The following VPS26C variants were observed in gnomAD, a reference collection of about 807,000 sequenced individuals.
VPS26C encodes the protein vacuolar protein sorting-associated protein 26C.
A neutral mutation model predicts 30.6 loss-of-function variants in VPS26C; 19 were observed. The observed-to-expected ratio is 0.62, with a 90% confidence interval of 0.43 to 0.91. VPS26C has a LOEUF of 0.91. Ranked by LOEUF, VPS26C falls within the 40% of genes least tolerant of loss-of-function variation. The pLI, the probability that VPS26C is intolerant of heterozygous loss-of-function variation, is 0.00. For synonymous variants in VPS26C, 132 were observed against 151.5 expected (o/e 0.87, Z 0.95); for missense variants, 318 against 385.1 (o/e 0.83, Z 1.46).
At chr21:37,231,771 G>C (rs1330018335) in intron 5 of VPS26C, 1 of 153,222 alleles carries the variant, frequency 6.5e-6, no homozygotes, top group Non-Finnish European at 1.5e-5. Flanking sequence ...CGTGCAGCTC[G>C]AGGGACCAGC....
intron 1 of VPS26C, among the ~76,000 whole-genome samples, chr21:37,254,366 C>T (rs1305654313): frequency 6.6e-6 from 1 of 152,138 alleles, no homozygotes; most frequent in Non-Finnish European, 1.5e-5. Context: ...TGGGGTGGCT[C>T]GCACTGTAAT....
At chr21:37,230,548 C>G (rs2085950900) in intron 5 of VPS26C, 1 of 152,222 alleles carries the variant, frequency 6.6e-6, no homozygotes, top group Admixed American at 6.5e-5. Context: ...ATTTTATTTG[C>G]TTTATGTGTT....
Position 37,228,235 on chromosome 21 carries a change from C to T in VPS26C, c.646G>A (p.Val216Met), listed in dbSNP as rs767397154. ...IRSVELQLVR[V>M]ETCGCAEGYA... ...GCACGGCCCTCACCGCACGTCTCCA[C>T]GCGCACCAGCTGCAGCTCCACGCTT... Residue 216 changes from valine (V) to methionine (M), a missense_variant, in exon 6 of 8, where the codon GTG (valine) becomes ATG (methionine). Coordinates refer to ENST00000309117, the MANE Select transcript of VPS26C (RefSeq NM_006052.2). 10 of 1,612,568 alleles carry T rather than the reference C, an allele frequency of 6.2e-6. No homozygotes were observed. Among genetic ancestry groups the T allele is most frequent in the Admixed American group, 3.3e-5 (2 of 60,006 alleles).
chr21:37,257,037 C>A lies in VPS26C; in HGVS notation c.57+10201G>T, dbSNP rs931841677. Among the ~76,000 whole-genome samples, 1 of 152,132 alleles carries A rather than the reference C, an allele frequency of 6.6e-6. No homozygotes were observed. The highest frequency in any genetic ancestry group is 2.1e-4 in the South Asian group (1 of 4,806). On this transcript the variant is annotated intron_variant, in intron 1 of 7. Transcript: ENST00000309117. This position sits in a 1 kb window ranked among gnomAD's most constrained non-coding sequence, Gnocchi z 4.2. ...ATCCCAGCTACTCGGGAGGCTGAGG[C>A]AGGAGAATCGCTTGAGCCTGGGAGG...
At chr21:37,260,640 GA>G (rs756610990) in intron 1 of VPS26C, among the ~76,000 whole-genome samples, 3 of 152,180 alleles carry the variant, frequency 2.0e-5, no homozygotes, top group Admixed American at 1.3e-4. Context: ...TGAGCCACAG[GA>G]ACTGGGATGA....
chr21:37,252,242 C>A (rs1237326162), intron 1 of VPS26C, among the ~76,000 whole-genome samples: 1 of 152,176 alleles, frequency 6.6e-6, no homozygotes, highest in Non-Finnish European at 1.5e-5. Flanking sequence ...AACACTCTAC[C>A]CTTTCTTAGT....
At chr21:37,229,988 T>A (rs1193547201) in intron 5 of VPS26C, among the ~76,000 whole-genome samples, 2 of 152,216 alleles carry the variant, frequency 1.3e-5, no homozygotes, top group Non-Finnish European at 2.9e-5. Flanking sequence ...TGCCTAAGCC[T>A]CCCTAGTAGC....
chr21:37,228,436 T>C (rs1373067680), intron 5 of VPS26C, 63 bp from the exon 6 acceptor site: 2 of 1,578,584 alleles, frequency 1.3e-6, no homozygotes, highest in Non-Finnish European at 1.7e-6. Flanking sequence ...CTCCATACTT[T>C]GGTGCAAATA....
intron 4 of VPS26C, 96 bp from the exon 5 acceptor site, chr21:37,232,547 T>C: frequency 9.7e-7 from 1 of 1,028,650 alleles, no homozygotes; most frequent in Non-Finnish European, 1.5e-6. Context: ...AACGGCAGCC[T>C]GGCGATGCAG....
chr21:37,252,812 A>T (rs1045298542), intron 1 of VPS26C, among the ~76,000 whole-genome samples: 1 of 152,234 alleles, frequency 6.6e-6, no homozygotes, highest in African/African-American at 2.4e-5. Flanking sequence ...CTAATGATAA[A>T]GCCAGATTCA....
rs1209858781 is a variant in VPS26C, at chr21:37,223,637, A to G, written c.*1907T>C. The G allele has an allele frequency of 6.6e-6, 1 of 152,262 alleles. No individual in the cohort carries two copies. The highest frequency in any genetic ancestry group is 2.4e-5 in the African/African-American group (1 of 41,468). 9.4% of individuals were successfully genotyped at this position (152,262 alleles called of 1,614,324 possible). On this transcript the variant is annotated 3_prime_UTR_variant, in exon 8 of 8. Coordinates refer to ENST00000309117, the MANE Select transcript of VPS26C (RefSeq NM_006052.2). ...AGATAATTAATGTCAGGTGAGCATAAAAGGAGATTATAAACCAGAAATGTG... is the reference window on the plus strand; with the variant it reads ...AGATAATTAATGTCAGGTGAGCATAGAAGGAGATTATAAACCAGAAATGTG...
At chr21:37,247,790 C>G (rs2086151994) in intron 1 of VPS26C, among the ~76,000 whole-genome samples, 1 of 152,150 alleles carries the variant, frequency 6.6e-6, no homozygotes. Context: ...GGATTGTCAC[C>G]TTAATATCAG....
rs1375780528 is a variant in VPS26C, at chr21:37,225,640, A to G, written c.812-14T>C. On this transcript the variant is annotated splice_polypyrimidine_tract_variant and intron_variant, in intron 7 of 7. Transcript: ENST00000309117. ...TAACCTCAAATTCTGAGAAGAGAAGAGAGGGTGGGTTTGTGCTCACTGTTA... is the reference window on the plus strand; with the variant it reads ...TAACCTCAAATTCTGAGAAGAGAAGGGAGGGTGGGTTTGTGCTCACTGTTA... 1 of 1,609,808 alleles carries G rather than the reference A, an allele frequency of 6.2e-7. No individual in the cohort carries two copies.
rs996347583 is a variant in VPS26C, at chr21:37,226,964, T to C, written c.811+690A>G. 1.3e-5 allele frequency: 2 copies of C among 152,222 alleles called. No individual in the cohort carries two copies. The highest frequency in any genetic ancestry group is 2.9e-5 in the Non-Finnish European group (2 of 68,048). The allele number at this position is 152,222 out of a possible 1,614,324, so 9.4% of individuals were successfully genotyped here. ...TTAAGATGGAGGTCCCATTACAATATTTATAGGAAGAGTTAAAAACATGGA... is the reference window on the plus strand; with the variant it reads ...TTAAGATGGAGGTCCCATTACAATACTTATAGGAAGAGTTAAAAACATGGA... On this transcript the variant is annotated intron_variant, in intron 7 of 7. Coordinates refer to ENST00000309117, the MANE Select transcript of VPS26C (RefSeq NM_006052.2). This position sits in a 1 kb window ranked among gnomAD's most constrained non-coding sequence, Gnocchi z 4.1.
Position 37,257,223 on chromosome 21 carries a change from T to C in VPS26C, c.57+10015A>G, listed in dbSNP as rs919842232. On this transcript the variant is annotated intron_variant, in intron 1 of 7. Coordinates refer to ENST00000309117, the MANE Select transcript of VPS26C (RefSeq NM_006052.2). This position sits in a 1 kb window ranked among gnomAD's most constrained non-coding sequence, Gnocchi z 4.2. ...TCCCAAAATGAGGTCTGTAAACAAC[T>C]GATCTAGAAAATGTTCTGGAAAAAG... 1.3e-5 allele frequency among the ~76,000 whole-genome samples: 2 copies of C among 152,204 alleles called. No individual in the cohort carries two copies. Among genetic ancestry groups the C allele is most frequent in the African/African-American group, 2.4e-5 (1 of 41,436 alleles).
At chr21:37,262,149 G>C (rs2086311142) in intron 1 of VPS26C, among the ~76,000 whole-genome samples, 1 of 152,156 alleles carries the variant, frequency 6.6e-6, no homozygotes, top group Non-Finnish European at 1.5e-5. Context: ...AACTGCTGTT[G>C]CTGCCAGATT....
rs568304560 is a variant in VPS26C at position 37,244,453 on chromosome 21, C to T, written c.58-3814G>A. 5.3e-5 allele frequency among the ~76,000 whole-genome samples: 8 copies of T among 152,246 alleles called. No homozygotes were observed. In the East Asian group the frequency reaches 1.4e-3, roughly 26 times the overall value. On this transcript the variant is annotated intron_variant, in intron 1 of 7. Transcript: ENST00000309117. ...TCACCAATGTTGGTCAGGCTGGTCT[C>T]GAACTCCTGACCTCAAGTGATCCAC...
At chr21:37,248,356 A>T (rs932955035) in intron 1 of VPS26C, among the ~76,000 whole-genome samples, 1 of 151,210 alleles carries the variant, frequency 6.6e-6, no homozygotes. Context: ...GAGGGGGGGA[A>T]CAAAGCAAAT....
At chr21:37,245,257 A>AT (rs1307265536) in intron 1 of VPS26C, among the ~76,000 whole-genome samples, 2 of 152,100 alleles carry the variant, frequency 1.3e-5, no homozygotes, top group East Asian at 3.9e-4. Flanking sequence ...TTCCACTTAG[A>AT]TTTTTCAGCA....
Sources: gnomAD v4.1 joint callset for allele counts (sites outside exome capture counted in the v4.1 genomes callset) on GRCh38, gnomAD v4.1.1 for gene constraint, Gnocchi (gnomAD v3.1) non-coding constraint, MANE v1.5 for transcripts, NCBI Gene and HGNC (gene_info 2026-07-23, HGNC 2026-07-21) for gene names.